Variants in LRP12 observed in about 807,000 individuals in gnomAD.
The protein encoded by LRP12 is low-density lipoprotein receptor-related protein 12.
A neutral mutation model predicts 66.0 loss-of-function variants in LRP12; 14 were observed. That is an observed-to-expected ratio of 0.21 (90% CI 0.14 to 0.33). LRP12 has a LOEUF of 0.33. Among genes scored for constraint, LRP12 ranks in the 10% least tolerant of loss-of-function variants. The probability of loss-of-function intolerance (pLI) is 1.00; values close to 1 mark genes in which losing one functional copy is unlikely to be tolerated. For synonymous variants in LRP12, 357 were observed against 359.1 expected (o/e 0.99, Z 0.07); for missense variants, 889 against 1,053.4 (o/e 0.84, Z 2.16).
chr8:104,559,910 T>C (rs940961965), intron 1 of LRP12, among the ~76,000 whole-genome samples: 1 of 152,200 alleles, frequency 6.6e-6, no homozygotes, highest in African/African-American at 2.4e-5. Context: ...ACTATGTACT[T>C]TCCCAAATTT....
At chr8:104,531,714 C>T (rs116702656) in intron 2 of LRP12, among the ~76,000 whole-genome samples, 193 bp downstream of exon 2, 2,807 of 152,172 alleles carry the variant, frequency 0.018, 35 homozygotes, top group African/African-American at 0.024. Flanking sequence ...TATAATCAAT[C>T]CATGGGCATG....
At chr8:104,577,428 C>A (rs529353146) in intron 1 of LRP12, among the ~76,000 whole-genome samples, 1 of 152,162 alleles carries the variant, frequency 6.6e-6, no homozygotes, top group African/African-American at 2.4e-5. Context: ...AAGAGACTCA[C>A]TAAAAACCAT....
intron 2 of LRP12, among the ~76,000 whole-genome samples, chr8:104,513,656 C>G (rs906428129): frequency 6.6e-6 from 1 of 152,124 alleles, no homozygotes; most frequent in African/African-American, 2.4e-5. Context: ...ACTGTACTAC[C>G]CAGACTTTGT....
Position 104,490,373 on chromosome 8 carries a change from A to C in LRP12, c.*300T>G, listed in dbSNP as rs963000823. ...GATAGATAAAAATGACAATCAAATGAGTTTCAGCAGCCACATTTCTACAGT... is the reference window on the plus strand; with the variant it reads ...GATAGATAAAAATGACAATCAAATGCGTTTCAGCAGCCACATTTCTACAGT... On this transcript the variant is annotated 3_prime_UTR_variant, in exon 7 of 7. Coordinates refer to ENST00000276654, the MANE Select transcript of LRP12 (RefSeq NM_013437.5). The C allele has an allele frequency of 4.3e-5, 11 of 256,106 alleles. No homozygotes were observed. The highest frequency in any genetic ancestry group is 2.2e-4 in the African/African-American group (10 of 44,534). 15.9% of individuals were successfully genotyped at this position (256,106 alleles called of 1,614,324 possible).
Position 104,491,539 on chromosome 8 carries a change from C to G in LRP12, c.1714G>C (p.Ala572Pro). 6.3e-7 allele frequency: 1 copy of G among 1,589,396 alleles called. No homozygotes were observed. Among genetic ancestry groups the G allele is most frequent in the South Asian group, 1.2e-5 (1 of 86,942 alleles). ...AGCCTCAGATTTTCCAAAACAGAAG[C>G]CTACAAAAATAAGAAAAGATCTTAA... ...EDFPVCSPNQ[A>P]SVLENLRLAV... Residue 572 changes from alanine to proline, a missense_variant and splice_region_variant, in exon 7 of 7, where the codon GCT becomes CCT. This residue lies in a region of LRP12 where 800 missense variants were observed against 964.5 expected (regional missense o/e 0.83). Transcript: ENST00000276654.
In LRP12 at chr8:104,547,457, T is replaced by C. The variant is rs191114313; in HGVS notation, c.80-15494A>G. ...TCTGTTATATTTTGTATATAATATA[T>C]AATTCTGTTATATTTTGTATACAAT... On this transcript the variant is annotated intron_variant, in intron 1 of 6. Transcript: ENST00000276654. Among the ~76,000 whole-genome samples, 294 of 133,612 alleles carry C rather than the reference T, an allele frequency of 2.2e-3. 3 individuals carry two copies. Among genetic ancestry groups the C allele is most frequent in the Non-Finnish European group, 2.8e-3 (179 of 64,708 alleles). The allele number at this position is 133,612 out of a possible 152,430, so 87.7% of individuals were successfully genotyped here.
chr8:104,562,402 G>A (rs1449594186), intron 1 of LRP12, among the ~76,000 whole-genome samples: 1 of 151,848 alleles, frequency 6.6e-6, no homozygotes, highest in East Asian at 1.9e-4. Flanking sequence ...GACCAAAACT[G>A]CAAACAATTT....
Position 104,496,983 on chromosome 8 carries a change from C to T in LRP12, c.1569G>A (p.Met523Ile), listed in dbSNP as rs1434838265. The change falls in exon 5 of 7, where the codon ATG becomes ATA. Residue 523 changes from methionine to isoleucine, a missense_variant. Met to Ile is a conservative substitution (Grantham distance 10). Around this residue, in one of 3 missense-constraint regions of LRP12, gnomAD observed 800 missense variants for 964.5 expected, o/e 0.83. Transcript: ENST00000276654. The part of the protein sequence containing the change: ...GCTCKLYSLR[M>I]FERRSFETQL... ...GTCTTGATACTGACCTTCTTTCAAA[C>T]ATTCTCAGAGAATAAAGCTTACAAG... The T allele has an allele frequency of 6.6e-7, 1 of 1,523,664 alleles. No individual in the cohort carries two copies. Among genetic ancestry groups the T allele is most frequent in the South Asian group, 1.3e-5 (1 of 75,584 alleles). 94.4% of individuals were successfully genotyped at this position (1,523,664 alleles called of 1,614,324 possible). A position where few individuals can be genotyped will look rare whatever the true frequency, so the allele number is the denominator to read the frequency against.
intron 1 of LRP12, among the ~76,000 whole-genome samples, chr8:104,542,538 T>C (rs1399461203): frequency 6.6e-6 from 1 of 152,228 alleles, no homozygotes; most frequent in Non-Finnish European, 1.5e-5. Flanking sequence ...CTTTTGATGC[T>C]TGTGCTTTGG....
At chr8:104,547,737 AATAT>A (rs977207842) in intron 1 of LRP12, among the ~76,000 whole-genome samples, 25 of 124,960 alleles carry the variant, frequency 2.0e-4, no homozygotes, top group East Asian at 4.4e-4. Flanking sequence ...TTTTGTATAT[AATAT>A]ATAATCATAT....
At chr8:104,548,989 T>C (rs1389305766) in intron 1 of LRP12, among the ~76,000 whole-genome samples, 1 of 151,090 alleles carries the variant, frequency 6.6e-6, no homozygotes, top group Non-Finnish European at 1.5e-5. Context: ...TCAGAGGCTT[T>C]ACAATGAGTG....
chr8:104,524,695 T>C (rs1261112936), intron 2 of LRP12, among the ~76,000 whole-genome samples: 2 of 152,206 alleles, frequency 1.3e-5, no homozygotes, highest in East Asian at 1.9e-4. Context: ...TTTAATATAC[T>C]ACTATTAATT....
chr8:104,495,993 T>G (rs541828982), intron 5 of LRP12: 1 of 152,016 alleles, frequency 6.6e-6, no homozygotes, highest in Admixed American at 6.6e-5. Context: ...ATACTGTGCA[T>G]CTGTGTGCCA....
intron 1 of LRP12, among the ~76,000 whole-genome samples, chr8:104,549,861 C>G (rs138724374): frequency 6.6e-6 from 1 of 152,294 alleles, no homozygotes; most frequent in Non-Finnish European, 1.5e-5. Context: ...TATCAGCCCT[C>G]CATTATTTGC....
At chr8:104,512,389 TATAA>T (rs1811012478) in intron 2 of LRP12, among the ~76,000 whole-genome samples, 1 of 152,082 alleles carries the variant, frequency 6.6e-6, no homozygotes, top group Admixed American at 6.6e-5. Flanking sequence ...TAAACAAACA[TATAA>T]ATAAACAGCC....
intron 1 of LRP12, among the ~76,000 whole-genome samples, chr8:104,547,361 T>C (rs1285515811): frequency 8.7e-6 from 1 of 114,972 alleles, no homozygotes; most frequent in Non-Finnish European, 1.7e-5. Flanking sequence ...ATATTTTGTA[T>C]ATAATATACA....
intron 1 of LRP12, among the ~76,000 whole-genome samples, chr8:104,562,095 T>C (rs1359577110): frequency 6.6e-6 from 1 of 152,198 alleles, no homozygotes; most frequent in African/African-American, 2.4e-5. Context: ...AAACAAATCC[T>C]GGCTCTAACT....
At chr8:104,554,866 T>C (rs1479897328) in intron 1 of LRP12, among the ~76,000 whole-genome samples, 7 of 152,174 alleles carry the variant, frequency 4.6e-5, no homozygotes, top group Non-Finnish European at 1.0e-4. Context: ...TTCTAAGGGC[T>C]GTGAGGCAAA....
intron 1 of LRP12, among the ~76,000 whole-genome samples, chr8:104,556,391 C>A (rs899564230): frequency 6.6e-6 from 1 of 152,040 alleles, no homozygotes; most frequent in African/African-American, 2.4e-5. Flanking sequence ...AATTAACAGA[C>A]CATCAGTGAG....
Sources: gnomAD v4.1 joint callset for allele counts (sites outside exome capture counted in the v4.1 genomes callset) on GRCh38, gnomAD v4.1.1 for gene constraint, gnomAD v4.1.1 regional missense constraint, MANE v1.5 for transcripts, NCBI Gene and HGNC (gene_info 2026-07-23, HGNC 2026-07-21) for gene names.